MCF2L2: variants seen among roughly 807,000 people sequenced by gnomAD.
MCF2L2 encodes the protein probable guanine nucleotide exchange factor MCF2L2.
Under a neutral mutation model 150.2 loss-of-function variants are expected in MCF2L2, and 102 were observed. That is an observed-to-expected ratio of 0.68 (90% CI 0.58 to 0.80). MCF2L2 has a LOEUF of 0.80. Ranked by LOEUF, MCF2L2 falls within the 30% of genes least tolerant of loss-of-function variation. The pLI, the probability that MCF2L2 is intolerant of heterozygous loss-of-function variation, is 0.00. For missense variants in MCF2L2, 1,256 were observed against 1,372.8 expected, an observed-to-expected ratio of 0.91 and a Z score of 1.34; for synonymous variants, 465 against 491.3, an observed-to-expected ratio of 0.95 and a Z score of 0.71.
intron 27 of MCF2L2, among the ~76,000 whole-genome samples, chr3:183,191,143 TG>T (rs1294756800): frequency 1.3e-5 from 2 of 152,250 alleles, no homozygotes; most frequent in Non-Finnish European, 2.9e-5. Flanking sequence ...CCCAAAGTGC[TG>T]GGATTACAGG....
chr3:183,208,249 G>A (rs1200174686), intron 22 of MCF2L2, among the ~76,000 whole-genome samples: 1 of 152,180 alleles, frequency 6.6e-6, no homozygotes, highest in Non-Finnish European at 1.5e-5. Context: ...GCGGACCCAT[G>A]AGCATCTGTG....
rs143643535 is a variant in MCF2L2 at position 183,291,498 on chromosome 3, C to T, written c.1676-2278G>A. 6.8e-3 allele frequency among the ~76,000 whole-genome samples: 1,031 copies of T among 152,180 alleles called. 11 individuals are homozygous for T. Among genetic ancestry groups the T allele is most frequent in the African/African-American group, 0.023 (956 of 41,536 alleles). The stretch of plus-strand genomic sequence containing the variant: ...CACATGGCACTAAAAAGTTTTTTCA[C>T]GTTCCTTATGAACTTCAGAGGTGTT... On this transcript the variant is annotated intron_variant, in intron 13 of 29. Coordinates refer to ENST00000328913, the MANE Select transcript of MCF2L2 (RefSeq NM_015078.4).
chr3:183,243,206 G>T (rs1336311203), intron 15 of MCF2L2, among the ~76,000 whole-genome samples: 1 of 152,112 alleles, frequency 6.6e-6, no homozygotes, highest in African/African-American at 2.4e-5. Context: ...AGTCTTTGGG[G>T]GACTGTTGGG....
intron 22 of MCF2L2, among the ~76,000 whole-genome samples, chr3:183,214,973 C>A (rs193269999): frequency 1.3e-5 from 2 of 151,960 alleles, no homozygotes; most frequent in Admixed American, 1.3e-4. Context: ...CCAGCCTGGG[C>A]GACAGAGCAA....
intron 5 of MCF2L2, among the ~76,000 whole-genome samples, chr3:183,326,321 A>C (rs1454279172): frequency 6.6e-6 from 1 of 151,884 alleles, no homozygotes; most frequent in Non-Finnish European, 1.5e-5. Context: ...GGGAAACCCC[A>C]TCTCTACTAA....
Position 183,428,015 on chromosome 3 carries a change from A to C in MCF2L2, c.-38T>G. 1 of 1,507,040 alleles carries C rather than the reference A, an allele frequency of 6.6e-7. No homozygotes were observed. The highest frequency in any genetic ancestry group is 2.3e-5 in the East Asian group (1 of 44,336). The allele number at this position is 1,507,040 out of a possible 1,614,324, so 93.4% of individuals were successfully genotyped here. A position where few individuals can be genotyped will look rare whatever the true frequency, so the allele number is the denominator to read the frequency against. On this transcript the variant is annotated 5_prime_UTR_variant, in exon 1 of 30. Transcript: ENST00000328913. This position sits in a 1 kb window ranked among gnomAD's most constrained non-coding sequence, Gnocchi z 5.1. ...CCATTCCGTATAAATAAAGCCAAAC[A>C]AAACTGTTTCTACCGCTGCGGTGGA...
At chr3:183,365,529 T>C (rs1712470188) in intron 3 of MCF2L2, among the ~76,000 whole-genome samples, 2 of 152,222 alleles carry the variant, frequency 1.3e-5, no homozygotes, top group African/African-American at 4.8e-5. Context: ...ACAGATGGAC[T>C]TTTAAAATTA....
intron 1 of MCF2L2, among the ~76,000 whole-genome samples, chr3:183,418,058 C>G (rs1231259281): frequency 2.0e-5 from 3 of 152,062 alleles, no homozygotes; most frequent in African/African-American, 7.2e-5. Flanking sequence ...TGTGGTGGTG[C>G]GCACCTATAG....
intron 15 of MCF2L2, chr3:183,231,240 A>G (rs1182670099): frequency 3.1e-6 from 2 of 643,364 alleles, no homozygotes; most frequent in Admixed American, 4.2e-5. Context: ...CAGCAAGGTT[A>G]GAGAACTCAA....
At chr3:183,228,515 GA>G in intron 17 of MCF2L2, 149 bp from the exon 18 acceptor site, 1 of 544,484 alleles carries the variant, frequency 1.8e-6, no homozygotes, top group Non-Finnish European at 3.3e-6. Context: ...CATTGATTCA[GA>G]AAAAAAAGCT....
At chr3:183,384,031 A>G (rs558265400) in intron 2 of MCF2L2, among the ~76,000 whole-genome samples, 1 of 152,352 alleles carries the variant, frequency 6.6e-6, no homozygotes, top group Non-Finnish European at 1.5e-5. Flanking sequence ...CCAGAAACTC[A>G]AAGGAGCCTT....
intron 1 of MCF2L2, among the ~76,000 whole-genome samples, chr3:183,397,232 T>C (rs1354213436): frequency 6.6e-6 from 1 of 152,212 alleles, no homozygotes; most frequent in Non-Finnish European, 1.5e-5. Flanking sequence ...GAAATTTATT[T>C]CTCATGGTTC....
chr3:183,219,823 G>T (rs751323478), intron 21 of MCF2L2, 33 bp downstream of exon 21: 12 of 1,392,232 alleles, frequency 8.6e-6, no homozygotes, highest in Non-Finnish European at 1.2e-5. Flanking sequence ...TTAATAGTTA[G>T]TTATATAAAA....
chr3:183,418,291 A>T (rs1451598813), intron 1 of MCF2L2, among the ~76,000 whole-genome samples: 3 of 149,970 alleles, frequency 2.0e-5, no homozygotes, highest in East Asian at 3.9e-4. Context: ...ATCACCTCCC[A>T]GGAGGTCCCT....
At chr3:183,180,222 G>A in intron 27 of MCF2L2, 63 bp from the exon 28 acceptor site, 2 of 1,069,252 alleles carry the variant, frequency 1.9e-6, no homozygotes, top group Admixed American at 1.8e-5. Context: ...CTCTGCCCAT[G>A]GCAGGGTGTA....
intron 15 of MCF2L2, chr3:183,276,561 A>G: frequency 3.5e-6 from 1 of 282,136 alleles, no homozygotes; most frequent in East Asian, 6.3e-5. Context: ...GAGACTTTAA[A>G]TGTGTTTAAA....
rs1313524243 is a variant in MCF2L2 at position 183,295,391 on chromosome 3, G to C, written c.1584C>G (p.Ala528=). The C allele has an allele frequency of 6.2e-7, 1 of 1,614,084 alleles. No individual in the cohort carries two copies. Among genetic ancestry groups the C allele is most frequent in the East Asian group, 2.2e-5 (1 of 44,872 alleles). Residue 528 remains alanine (A), a synonymous_variant, in exon 13 of 30, where the codon GCC becomes GCG. Coordinates refer to ENST00000328913, the MANE Select transcript of MCF2L2 (RefSeq NM_015078.4). ...CAGGTTGCACTGGACGAGTCTGTTTGGCTGCCAGTTTCATCAGACTCACTT... is the reference window on the plus strand; with the variant it reads ...CAGGTTGCACTGGACGAGTCTGTTTCGCTGCCAGTTTCATCAGACTCACTT... ...KRQVSLMKLA[A]KQTRPVQPVA...
intron 1 of MCF2L2, among the ~76,000 whole-genome samples, chr3:183,414,150 G>A (rs890857843): frequency 6.6e-6 from 1 of 152,160 alleles, no homozygotes; most frequent in African/African-American, 2.4e-5. Context: ...TGAACAATTG[G>A]TACGAATTCT....
chr3:183,304,962 C>A (rs145083919), intron 10 of MCF2L2, among the ~76,000 whole-genome samples: 20 of 152,220 alleles, frequency 1.3e-4, no homozygotes, highest in Non-Finnish European at 2.6e-4. Context: ...TATCCCTCTA[C>A]CTCTGTAATG....
Sources: gnomAD v4.1 joint callset for allele counts (sites outside exome capture counted in the v4.1 genomes callset) on GRCh38, gnomAD v4.1.1 for gene constraint, Gnocchi (gnomAD v3.1) non-coding constraint, MANE v1.5 for transcripts, NCBI Gene and HGNC (gene_info 2026-07-23, HGNC 2026-07-21) for gene names.